Variants in PDIA6 observed in about 807,000 individuals in gnomAD.
PDIA6 encodes protein disulfide-isomerase A6.
In PDIA6, 29 loss-of-function variants were observed where a neutral mutation model predicts 58.4. The ratio of observed to expected loss-of-function variants is 0.50; its 90% CI spans 0.37 to 0.68. The LOEUF (loss-of-function observed/expected upper bound fraction) is 0.68, where lower values mean the gene tolerates loss of function less well. Among genes scored for constraint, PDIA6 ranks in the 30% least tolerant of loss-of-function variants. The pLI, the probability that PDIA6 is intolerant of heterozygous loss-of-function variation, is 0.00. For missense variants in PDIA6, 480 were observed against 551.0 expected (o/e 0.87, Z 1.29); for synonymous variants, 192 against 202.6 (o/e 0.95, Z 0.44).
Position 10,788,753 on chromosome 2 carries a change from A to G in PDIA6, c.942T>C (p.Asn314=). Residue 314 remains asparagine (N), a synonymous_variant, in exon 10 of 13, where the codon AAT becomes AAC. Transcript: ENST00000272227. ...HILDTGAAGR[N]SYLEVLLKLA... The stretch of plus-strand genomic sequence containing the variant: ...ACTTCAGAAGAACTTCCAGATAAGA[A>G]TTTCTGCCTGCAGCTCCTGATTTAA... 2 of 1,613,254 alleles carry G rather than the reference A, an allele frequency of 1.2e-6. No homozygotes were observed. Among genetic ancestry groups the G allele is most frequent in the Non-Finnish European group, 1.7e-6 (2 of 1,179,166 alleles).
rs1475668888 is a variant in PDIA6, at chr2:10,810,298, A to AGG, written c.19+2378_19+2379dup. ...TTCTAACCGAAGGGCTGGAGAATGC[A>AGG]GGGGTATAATCCACAGAGCATCATT... On this transcript the variant is annotated intron_variant, in intron 1 of 12. Coordinates refer to ENST00000272227, the MANE Select transcript of PDIA6 (RefSeq NM_005742.4). 2.0e-6 allele frequency: 3 copies of AGG among 1,535,084 alleles called. No individual in the cohort carries two copies. The African/African-American group carries it at 4.1e-5, about 21-fold the overall frequency.
chr2:10,799,231 A>T (rs2148548877), intron 2 of PDIA6, among the ~76,000 whole-genome samples: 1 of 152,358 alleles, frequency 6.6e-6, no homozygotes, highest in African/African-American at 2.4e-5. Context: ...CATTCACTGT[A>T]TGCAGACACC....
chr2:10,813,038 C>T (rs1041842558), upstream of PDIA6, among the ~76,000 whole-genome samples: 9 of 152,118 alleles, frequency 5.9e-5, no homozygotes, highest in Admixed American at 1.3e-4. Flanking sequence ...CGGGCCCTCT[C>T]GGGGTGCTGC....
intron 7 of PDIA6, 86 bp downstream of exon 7, chr2:10,790,633 T>C: frequency 2.2e-6 from 2 of 912,200 alleles, no homozygotes; most frequent in South Asian, 1.4e-5. Context: ...TCTCCTTTAC[T>C]ACCTCATAGG....
At chr2:10,825,046 TG>T (rs1241587399) in intron 1 of PDIA6, among the ~76,000 whole-genome samples, 2 of 152,086 alleles carry the variant, frequency 1.3e-5, no homozygotes, top group Admixed American at 6.6e-5. Context: ...ATGAAGCAGG[TG>T]GAAAAAAACG....
Position 10,784,922 on chromosome 2 carries a change from C to T in PDIA6, c.1254+12G>A, listed in dbSNP as rs199977268. The T allele has an allele frequency of 6.4e-6, 10 of 1,552,184 alleles. No homozygotes were observed. The highest frequency in any genetic ancestry group is 1.7e-4 in the Middle Eastern group (1 of 5,980). On this transcript the variant is annotated intron_variant, in intron 12 of 12. Coordinates refer to ENST00000272227, the MANE Select transcript of PDIA6 (RefSeq NM_005742.4). ...GACTGCTGCCCGCACAGCTTCCCTC[C>T]CGGGCACTCACCTCGCCATCCCTGC... is the stretch of plus-strand genomic sequence containing the variant.
chr2:10,789,010 C>T (rs367732495), intron 8 of PDIA6, 29 bp from the exon 9 acceptor site: 4 of 1,536,192 alleles, frequency 2.6e-6, no homozygotes, highest in African/African-American at 1.4e-5. Context: ...AAGGGACAAT[C>T]AGGAGGCTGC....
At chr2:10,789,679 A>G (rs1665943475) in intron 8 of PDIA6, 70 bp downstream of exon 8, 2 of 1,409,566 alleles carry the variant, frequency 1.4e-6, no homozygotes, top group Non-Finnish European at 2.0e-6. Context: ...ACAGTGTGTC[A>G]CACTGCTTTA....
chr2:10,830,511 C>T (rs1015849241), intron 1 of PDIA6, among the ~76,000 whole-genome samples: 2 of 152,208 alleles, frequency 1.3e-5, no homozygotes, highest in Non-Finnish European at 2.9e-5. Context: ...CAGGAAGCAG[C>T]AGGGCCTTTC....
At chr2:10,798,630 A>G (rs1666374470) in intron 2 of PDIA6, among the ~76,000 whole-genome samples, 1 of 151,604 alleles carries the variant, frequency 6.6e-6, no homozygotes, top group South Asian at 2.1e-4. Context: ...TTTAAACTCT[A>G]TAATTTACAA....
At chr2:10,816,690 C>A (rs556695598), upstream of PDIA6, among the ~76,000 whole-genome samples, 3 of 152,116 alleles carry the variant, frequency 2.0e-5, no homozygotes, top group South Asian at 6.2e-4. Flanking sequence ...GGATTTTTTT[C>A]TTTGTACAGC....
At chr2:10,819,619 C>T (rs1392659980) in intron 1 of PDIA6, among the ~76,000 whole-genome samples, 1 of 152,248 alleles carries the variant, frequency 6.6e-6, no homozygotes. Flanking sequence ...CACTGAGAAG[C>T]TGCCTTGATT....
chr2:10,836,066 T>A (rs975353044), upstream of PDIA6, among the ~76,000 whole-genome samples: 5 of 138,416 alleles, frequency 3.6e-5, no homozygotes, highest in Non-Finnish European at 7.9e-5. Flanking sequence ...AAAAAAAAAA[T>A]ACTTTCAGAC....
intron 1 of PDIA6, among the ~76,000 whole-genome samples, chr2:10,826,188 T>G (rs1331828864): frequency 1.3e-5 from 2 of 152,194 alleles, no homozygotes; most frequent in Non-Finnish European, 2.9e-5. Context: ...TTGACCTTGA[T>G]GACATTATGC....
chr2:10,831,940 C>T (rs994330226), intron 1 of PDIA6, among the ~76,000 whole-genome samples: 2 of 139,738 alleles, frequency 1.4e-5, no homozygotes, highest in East Asian at 2.2e-4. Context: ...AGGGCAGAGG[C>T]GGGCAAGCCA....
intron 12 of PDIA6, 59 bp from the exon 13 acceptor site, chr2:10,784,385 A>T (rs1023152678): frequency 2.1e-5 from 30 of 1,399,030 alleles, no homozygotes; most frequent in Non-Finnish European, 5.0e-6. Context: ...TGGAAGGTCA[A>T]CATCTCATTT....
chr2:10,783,526 C>T lies in PDIA6; in HGVS notation c.*732G>A. On this transcript the variant is annotated 3_prime_UTR_variant, in exon 13 of 13. Coordinates refer to ENST00000272227, the MANE Select transcript of PDIA6 (RefSeq NM_005742.4). ...ACTACCTGTTCGCATTGGTAACCTG[C>T]TGCTGTATTTCATGTCTTAACGGCT... 1 of 352,078 alleles carries T rather than the reference C, an allele frequency of 2.8e-6. No homozygotes were observed. Among genetic ancestry groups the T allele is most frequent in the Admixed American group, 4.5e-5 (1 of 22,262 alleles). 21.8% of individuals were successfully genotyped at this position (352,078 alleles called of 1,614,324 possible).
At chr2:10,833,737 G>C (rs1388130773), upstream of PDIA6, among the ~76,000 whole-genome samples, 1 of 152,330 alleles carries the variant, frequency 6.6e-6, no homozygotes, top group Middle Eastern at 3.4e-3. Flanking sequence ...CTGTATAGTG[G>C]GCTCTGCAGG....
intron 9 of PDIA6, 35 bp from the exon 10 acceptor site, chr2:10,788,804 G>A: frequency 6.4e-7 from 1 of 1,571,464 alleles, no homozygotes; most frequent in Non-Finnish European, 8.8e-7. Flanking sequence ...TAAAGGTAAA[G>A]ATAAAGGAGT....
Sources: gnomAD v4.1 joint callset for allele counts (sites outside exome capture counted in the v4.1 genomes callset) on GRCh38, gnomAD v4.1.1 for gene constraint, MANE v1.5 for transcripts, NCBI Gene and HGNC (gene_info 2026-07-23, HGNC 2026-07-21) for gene names.